ARID1B: variants seen among roughly 807,000 people sequenced by gnomAD.
ARID1B encodes the protein AT-rich interaction domain 1B.
ARID1B carries 30 observed loss-of-function variants against 212.3 expected under a neutral mutation model. The observed-to-expected ratio is 0.14, with a 90% CI of 0.11 to 0.19. The LOEUF is 0.19. Among genes scored for constraint, ARID1B ranks in the 10% least tolerant of loss-of-function variants. The pLI, the probability that ARID1B is intolerant of heterozygous loss-of-function variation, is 1.00. For missense variants in ARID1B, 2,891 were observed against 3,204.0 expected, an observed-to-expected ratio of 0.90 and a Z score of 2.36; for synonymous variants, 1,402 against 1,301.7, an observed-to-expected ratio of 1.08 and a Z score of -1.66.
intron 8 of ARID1B, among the ~76,000 whole-genome samples, chr6:157,162,279 C>T (rs1222521199): frequency 6.6e-6 from 1 of 152,186 alleles, no homozygotes; most frequent in East Asian, 1.9e-4. Flanking sequence ...CATGAAATTT[C>T]ATACTAATAT....
chr6:157,173,659 A>T (rs1021713202), intron 9 of ARID1B: 1 of 167,992 alleles, frequency 6.0e-6, no homozygotes, highest in Non-Finnish European at 1.3e-5. Context: ...TTTGCCTCCA[A>T]CTCCTGATTA....
chr6:156,938,910 A>G (rs1792462757), intron 4 of ARID1B: 2 of 151,976 alleles, frequency 1.3e-5, no homozygotes, highest in Non-Finnish European at 2.9e-5. Flanking sequence ...GCTAACTTAG[A>G]TAGACCTTCA....
chr6:157,156,899 C>T (rs764097835), intron 8 of ARID1B, among the ~76,000 whole-genome samples: 2 of 152,228 alleles, frequency 1.3e-5, no homozygotes, highest in Admixed American at 1.3e-4. Context: ...ACACAGGGCT[C>T]GCACTGGGAG....
At chr6:156,822,362 C>G (rs1031780437) in intron 1 of ARID1B, among the ~76,000 whole-genome samples, 8 of 152,312 alleles carry the variant, frequency 5.3e-5, no homozygotes, top group African/African-American at 1.9e-4. Flanking sequence ...GCATGTTATC[C>G]TCCTTCAGTC....
intron 4 of ARID1B, among the ~76,000 whole-genome samples, chr6:157,039,847 TTTC>T (rs1781723584): frequency 8.0e-6 from 1 of 125,038 alleles, no homozygotes; most frequent in African/African-American, 3.3e-5. Context: ...TTTCTCTCTC[TTTC>T]TCTCTCTTTC....
At chr6:157,029,089 A>G (rs1259203409) in intron 4 of ARID1B, among the ~76,000 whole-genome samples, 1 of 152,218 alleles carries the variant, frequency 6.6e-6, no homozygotes, top group Non-Finnish European at 1.5e-5. Flanking sequence ...TATTGCCATC[A>G]GTTTATAAGA....
chr6:157,055,873 G>A (rs780857916), intron 4 of ARID1B, among the ~76,000 whole-genome samples: 5 of 152,076 alleles, frequency 3.3e-5, no homozygotes, highest in Admixed American at 6.6e-5. Flanking sequence ...CCATCATGCC[G>A]CATGCTAACC....
Position 156,779,408 on chromosome 6 carries a change from G to C in ARID1B, c.1728G>C (p.Ala576=), listed in dbSNP as rs2115004901. The change falls in exon 1 of 20, where the codon GCG becomes GCC. Residue 576 remains alanine, a synonymous_variant. Coordinates refer to ENST00000636930, the MANE Select transcript of ARID1B (RefSeq NM_001374828.1). ...CTGCCAGCCCGGCCTGGGCGGCCGCGCAACAAAGGAGTCACCCGGCGATGA... is the reference window on the plus strand; with the variant it reads ...CTGCCAGCCCGGCCTGGGCGGCCGCCCAACAAAGGAGTCACCCGGCGATGA... The part of the protein sequence containing the change: ...YAAASPAWAA[A]QQRSHPAMSP... 1.4e-6 allele frequency: 2 copies of C among 1,449,674 alleles called. No individual in the cohort carries two copies. Among genetic ancestry groups the C allele is most frequent in the Non-Finnish European group, 1.8e-6 (2 of 1,097,874 alleles). The allele number at this position is 1,449,674 out of a possible 1,614,324, so 89.8% of individuals were successfully genotyped here. A position where few individuals can be genotyped will look rare whatever the true frequency, so the allele number is the denominator to read the frequency against.
intron 4 of ARID1B, among the ~76,000 whole-genome samples, chr6:157,041,856 A>G (rs1781898969): frequency 6.6e-6 from 1 of 151,736 alleles, no homozygotes. Flanking sequence ...CCACTGCCCC[A>G]CTCAACTCCT....
chr6:156,949,388 C>A (rs1352306028), intron 4 of ARID1B, among the ~76,000 whole-genome samples: 2 of 152,200 alleles, frequency 1.3e-5, no homozygotes, highest in Non-Finnish European at 2.9e-5. Flanking sequence ...TACATGAGAT[C>A]TAAGGTTCAT....
chr6:157,036,641 C>A, intron 4 of ARID1B: 1 of 340,312 alleles, frequency 2.9e-6, no homozygotes, highest in South Asian at 2.5e-5. Flanking sequence ...AGAACTGAAA[C>A]CCAGACGGTG....
chr6:156,826,459 T>C (rs1169244766), intron 1 of ARID1B, among the ~76,000 whole-genome samples: 1 of 152,240 alleles, frequency 6.6e-6, no homozygotes, highest in African/African-American at 2.4e-5. Flanking sequence ...TTCATCCTTC[T>C]GCTTCCAGTG....
rs1793892027 is a variant in ARID1B at position 156,955,433 on chromosome 6, C to G, written c.2247+19857C>G. ...GGCTAGGTGGGGATCCAGAACAACG[C>G]TATAGTCCTTTCTGTATATGTTATA... On this transcript the variant is annotated intron_variant, in intron 4 of 19. Coordinates refer to ENST00000636930, the MANE Select transcript of ARID1B (RefSeq NM_001374828.1). This position sits in a 1 kb window ranked among gnomAD's most constrained non-coding sequence, Gnocchi z 4.2. Among the ~76,000 whole-genome samples, 1 of 152,164 alleles carries G rather than the reference C, an allele frequency of 6.6e-6. No individual in the cohort carries two copies. The highest frequency in any genetic ancestry group is 6.5e-5 in the Admixed American group (1 of 15,288).
chr6:157,122,635 C>A (rs757196470), intron 6 of ARID1B, among the ~76,000 whole-genome samples: 11 of 152,322 alleles, frequency 7.2e-5, no homozygotes, highest in Admixed American at 1.3e-4. Flanking sequence ...GCACCATTTC[C>A]TAGGCCAGGG....
At chr6:156,975,216 G>A (rs1205275143) in intron 4 of ARID1B, among the ~76,000 whole-genome samples, 1 of 152,000 alleles carries the variant, frequency 6.6e-6, no homozygotes, top group African/African-American at 2.4e-5. Context: ...ATGTGACTGG[G>A]GTTTTAATTT....
intron 3 of ARID1B, 148 bp from the exon 4 acceptor site, chr6:156,935,318 G>A (rs1331117671): frequency 1.6e-5 from 10 of 623,762 alleles, no homozygotes; most frequent in Middle Eastern, 5.8e-4. Flanking sequence ...GGGCTCAAGC[G>A]ATCTGCCTGC....
At chr6:156,783,343 A>C (rs932436522) in intron 1 of ARID1B, among the ~76,000 whole-genome samples, 12 of 152,286 alleles carry the variant, frequency 7.9e-5, no homozygotes, top group South Asian at 6.2e-4. Context: ...TAAAAAAAAA[A>C]AACATTAATT....
intron 2 of ARID1B, among the ~76,000 whole-genome samples, chr6:156,898,636 C>T (rs781382816): frequency 3.3e-5 from 5 of 152,138 alleles, no homozygotes; most frequent in Non-Finnish European, 7.3e-5. Context: ...CAAAGCCTTG[C>T]ATCTGAATGC....
intron 4 of ARID1B, among the ~76,000 whole-genome samples, chr6:157,053,065 TGAA>T: frequency 6.6e-6 from 1 of 151,688 alleles, no homozygotes; most frequent in African/African-American, 2.4e-5. Flanking sequence ...CAAAATATCA[TGAA>T]GAATTATTTT....
Sources: gnomAD v4.1 joint callset for allele counts (sites outside exome capture counted in the v4.1 genomes callset) on GRCh38, gnomAD v4.1.1 for gene constraint, Gnocchi (gnomAD v3.1) non-coding constraint, MANE v1.5 for transcripts, NCBI Gene and HGNC (gene_info 2026-07-23, HGNC 2026-07-21) for gene names.